The following SEMG1 variants were observed in gnomAD, a reference collection of about 807,000 sequenced individuals.
The protein encoded by SEMG1 is semenogelin-1.
Under a neutral mutation model 8.8 loss-of-function variants are expected in SEMG1, and 6 were observed. The ratio of observed to expected loss-of-function variants is 0.68; its 90% CI spans 0.37 to 1.35. The LOEUF (loss-of-function observed/expected upper bound fraction) is 1.35, where lower values mean the gene tolerates loss of function less well. Ranked by LOEUF, SEMG1 falls within the 40% of genes most tolerant of loss-of-function variation. The probability of loss-of-function intolerance (pLI) is 0.02; values close to 1 mark genes in which losing one functional copy is unlikely to be tolerated. For missense variants in SEMG1, 580 were observed against 533.6 expected (o/e 1.09, Z -0.86); for synonymous variants, 221 against 190.3 (o/e 1.16, Z -1.33).
chr20:45,208,037 A>C lies in SEMG1; in HGVS notation c.740A>C (p.Gln247Pro). Residue 247 changes from glutamine to proline, a missense_variant, in exon 2 of 3, where the codon CAA becomes CCA. Gln to Pro is a moderately conservative substitution (Grantham distance 76). Transcript: ENST00000372781. ...TGTCCTGCGCACCAAGACAAACTCC[A>C]ACATGGATCCAAAGACATTTTTTCT... ...SLCPAHQDKL[Q>P]HGSKDIFSTQ... 1 of 1,614,150 alleles carries C rather than the reference A, an allele frequency of 6.2e-7. No individual in the cohort carries two copies. The highest frequency in any genetic ancestry group is 8.5e-7 in the Non-Finnish European group (1 of 1,179,988).
At position 45,207,552 on chromosome 20, in the gene SEMG1, T is replaced by C. The variant is rs773356491; in HGVS notation, c.255T>C (p.Tyr85=). 3.7e-6 allele frequency: 6 copies of C among 1,613,818 alleles called. No individual in the cohort carries two copies. The highest frequency in any genetic ancestry group is 3.3e-5 in the South Asian group (3 of 91,040). Residue 85 remains tyrosine (Y), a synonymous_variant, in exon 2 of 3, where the codon TAT becomes TAC. Transcript: ENST00000372781. ...DHDQSRKSQQ[Y]DLNALHKTTK... is the part of the protein sequence containing the mutation. ...ACCAGTCCCGAAAAAGTCAGCAATA[T>C]GATTTGAATGCCCTACATAAGACGA...
chr20:45,208,288 A>G lies in SEMG1; in HGVS notation c.991A>G (p.Thr331Ala), dbSNP rs761912979. 5.0e-6 allele frequency: 8 copies of G among 1,610,560 alleles called. No individual in the cohort carries two copies. The Admixed American group carries it at 8.4e-5, about 17-fold the overall frequency. Residue 331 changes from threonine to alanine, a missense_variant, in exon 2 of 3, where the codon ACA becomes GCA. Transcript: ENST00000372781. ...ACAGGGCAAGTCTCAAAAACAGATAACAATTCCCAGTCAAGAGCAAGAGCA... is the reference window on the plus strand; with the variant it reads ...ACAGGGCAAGTCTCAAAAACAGATAGCAATTCCCAGTCAAGAGCAAGAGCA... ...KAQGKSQKQITIPSQEQEHSQ... is the reference protein window; with the variant it reads ...KAQGKSQKQIAIPSQEQEHSQ...
chr20:45,207,812 G>A lies in SEMG1; in HGVS notation c.515G>A (p.Ser172Asn), dbSNP rs1983734991. ...TEERLWVHGL[S>N]KEQTSVSGAQ... ...GAAAGGCTGTGGGTTCATGGACTAA[G>A]TAAAGAACAAACTTCCGTCTCTGGT... Residue 172 changes from serine to asparagine, a missense_variant, in exon 2 of 3, where the codon AGT (serine) becomes AAT (asparagine). Coordinates refer to ENST00000372781, the MANE Select transcript of SEMG1 (RefSeq NM_003007.5). 6.2e-7 allele frequency: 1 copy of A among 1,614,032 alleles called. No homozygotes were observed. Among genetic ancestry groups the A allele is most frequent in the South Asian group, 1.1e-5 (1 of 91,076 alleles).
In SEMG1 at chr20:45,207,595, C is replaced by T. The variant is rs751051043; in HGVS notation, c.298C>T (p.Leu100=). The T allele has an allele frequency of 1.2e-6, 2 of 1,613,584 alleles. No individual in the cohort carries two copies. The highest frequency in any genetic ancestry group is 1.1e-5 in the South Asian group (1 of 90,980). ...LHKTTKSQRH[L]GGSQQLLHNK... ...TAAGACGACAAAATCACAACGACAT[C>T]TAGGTGGAAGTCAACAACTGCTCCA... is the stretch of plus-strand genomic sequence containing the variant. The change falls in exon 2 of 3, where the codon CTA becomes TTA. Residue 100 remains leucine, a synonymous_variant. Coordinates refer to ENST00000372781, the MANE Select transcript of SEMG1 (RefSeq NM_003007.5).
intron 2 of SEMG1, among the ~76,000 whole-genome samples, chr20:45,209,055 A>G (rs1210827529): frequency 6.6e-6 from 1 of 152,162 alleles, no homozygotes; most frequent in Non-Finnish European, 1.5e-5. Context: ...AGTTTATGGT[A>G]TACTCTTGTC....
chr20:45,207,190 T>C, intron 1 of SEMG1, 61 bp downstream of exon 1: 1 of 1,608,270 alleles, frequency 6.2e-7, no homozygotes, highest in South Asian at 1.1e-5. Flanking sequence ...CTAAGATTAT[T>C]TGGGGTGCAA....
chr20:45,207,380 C>T lies in SEMG1; in HGVS notation c.83C>T (p.Ser28Leu), dbSNP rs1983715547. 6.2e-7 allele frequency: 1 copy of T among 1,608,078 alleles called. No individual in the cohort carries two copies. The highest frequency in any genetic ancestry group is 1.3e-5 in the African/African-American group (1 of 74,598). ...QAAVMGQKGG[S>L]KGRLPSEFSQ... The stretch of plus-strand genomic sequence containing the variant: ...TCTTATTATCAATTACCAGGTGGAT[C>T]AAAAGGCCGATTACCAAGTGAATTT... Residue 28 changes from serine (S) to leucine (L), a missense_variant, in exon 2 of 3, where the codon TCA becomes TTA. Transcript: ENST00000372781.
chr20:45,207,233 T>C, intron 1 of SEMG1, 104 bp downstream of exon 1: 2 of 1,501,064 alleles, frequency 1.3e-6, no homozygotes, highest in Non-Finnish European at 9.1e-7. Flanking sequence ...ATTCTTCTCT[T>C]TGAAGAGAAT....
chr20:45,207,311 G>A, intron 1 of SEMG1, 63 bp from the exon 2 acceptor site: 1 of 1,454,608 alleles, frequency 6.9e-7, no homozygotes, highest in African/African-American at 1.4e-5. Context: ...AAAAGTGGGG[G>A]GTAAGAGTTG....
rs150756174 is a variant in SEMG1 at position 45,207,421 on chromosome 20, G to A, written c.124G>A (p.Gly42Arg). The A allele has an allele frequency of 1.5e-5, 24 of 1,610,516 alleles. No homozygotes were observed. Among genetic ancestry groups the A allele is most frequent in the African/African-American group, 9.4e-5 (7 of 74,678 alleles). ...AAGTGAATTTTCCCAATTTCCACAC[G>A]GACAAAAGGGCCAGCACTATTCTGG... ...LPSEFSQFPH[G>R]QKGQHYSGQK... Residue 42 changes from glycine (G) to arginine (R), a missense_variant, in exon 2 of 3, where the codon GGA becomes AGA. Gly to Arg is a moderately radical substitution (Grantham distance 125, BLOSUM62 -2). Coordinates refer to ENST00000372781, the MANE Select transcript of SEMG1 (RefSeq NM_003007.5).
chr20:45,208,504 G>A lies in SEMG1; in HGVS notation c.1207G>A (p.Ala403Thr). 2.5e-6 allele frequency: 4 copies of A among 1,613,972 alleles called. No individual in the cohort carries two copies. Among genetic ancestry groups the A allele is most frequent in the East Asian group, 2.2e-5 (1 of 44,884 alleles). Reference protein sequence around the residue: ...PKQEPWHGENAKGESGQSTNR... With the variant: ...PKQEPWHGENTKGESGQSTNR... Reference sequence around the variant, plus strand: ...GCAAGAGCCATGGCATGGTGAAAATGCAAAAGGAGAGTCTGGCCAATCTAC... The same window carrying A: ...GCAAGAGCCATGGCATGGTGAAAATACAAAAGGAGAGTCTGGCCAATCTAC... The change falls in exon 2 of 3, where the codon GCA (alanine) becomes ACA (threonine). Residue 403 changes from alanine (A) to threonine (T), a missense_variant. By Grantham distance (58) the Ala-to-Thr change is moderately conservative. Coordinates refer to ENST00000372781, the MANE Select transcript of SEMG1 (RefSeq NM_003007.5).
chr20:45,209,006 T>A (rs1039797305), intron 2 of SEMG1, among the ~76,000 whole-genome samples: 1 of 152,170 alleles, frequency 6.6e-6, no homozygotes, highest in Non-Finnish European at 1.5e-5. Context: ...CTGCTAAAGG[T>A]TTTTTTGAAC....
chr20:45,208,239 T>C lies in SEMG1; in HGVS notation c.942T>C (p.Ile314=). Residue 314 remains isoleucine, a synonymous_variant, in exon 2 of 3, where the codon ATT becomes ATC. Coordinates refer to ENST00000372781, the MANE Select transcript of SEMG1 (RefSeq NM_003007.5). ...AGAAAGATGTATCCCAAAGCAGTAT[T>C]TATAGCCAAACTGAAGAGAAAGCAC... ...GVQKDVSQSS[I]YSQTEEKAQG... 6.2e-7 allele frequency: 1 copy of C among 1,611,902 alleles called. No homozygotes were observed. Among genetic ancestry groups the C allele is most frequent in the Non-Finnish European group, 8.5e-7 (1 of 1,179,034 alleles).
At position 45,208,645 on chromosome 20, in the gene SEMG1, G is replaced by T. The variant is rs759104817; in HGVS notation, c.1348G>T (p.Ala450Ser). 9.3e-6 allele frequency: 15 copies of T among 1,611,968 alleles called. No individual in the cohort carries two copies. In the South Asian group the frequency reaches 1.5e-4, roughly 17 times the overall value. ...GGAAGATGACAGTGATCGTCATTTG[G>T]CACAACATCTTAACAACGACCGAAA... ...EQEDDSDRHL[A>S]QHLNNDRNPL... Residue 450 changes from alanine to serine, a missense_variant, in exon 2 of 3, where the codon GCA (alanine) becomes TCA (serine). By Grantham distance (99) the Ala-to-Ser change is moderately conservative (BLOSUM62 1). Coordinates refer to ENST00000372781, the MANE Select transcript of SEMG1 (RefSeq NM_003007.5).
In SEMG1 at chr20:45,207,925, A is replaced by G; in HGVS notation, c.628A>G (p.Thr210Ala). 3 of 1,614,100 alleles carry G rather than the reference A, an allele frequency of 1.9e-6. No individual in the cohort carries two copies. Among genetic ancestry groups the G allele is most frequent in the Non-Finnish European group, 2.5e-6 (3 of 1,179,998 alleles). Residue 210 changes from threonine (T) to alanine (A), a missense_variant, in exon 2 of 3, where the codon ACT (threonine) becomes GCT (alanine). By Grantham distance (58) the Thr-to-Ala change is moderately conservative. Transcript: ENST00000372781. ...ELVANKQQRE[T>A]KNSHQNKGHY... The stretch of plus-strand genomic sequence containing the variant: ...AGTAGCTAACAAACAACAACGTGAG[A>G]CTAAAAATTCTCATCAAAATAAAGG...
Position 45,207,515 on chromosome 20 carries a change from C to T in SEMG1, c.218C>T (p.Ala73Val), listed in dbSNP as rs139077132. ...ATTCAATACACATATCATGTAGATG[C>T]CAATGATCATGACCAGTCCCGAAAA... Reference protein sequence around the residue: ...FSIQYTYHVDANDHDQSRKSQ... With the variant: ...FSIQYTYHVDVNDHDQSRKSQ... Residue 73 changes from alanine (A) to valine (V), a missense_variant, in exon 2 of 3, where the codon GCC (alanine) becomes GTC (valine). Coordinates refer to ENST00000372781, the MANE Select transcript of SEMG1 (RefSeq NM_003007.5). The T allele has an allele frequency of 5.4e-5, 87 of 1,613,690 alleles. No individual in the cohort carries two copies. The highest frequency in any genetic ancestry group is 4.0e-4 in the African/African-American group (30 of 74,890).
In SEMG1 at chr20:45,207,947, A is replaced by G; in HGVS notation, c.650A>G (p.Lys217Arg). ...QRETKNSHQN[K>R]GHYQNVVEVR... The stretch of plus-strand genomic sequence containing the variant: ...GAGACTAAAAATTCTCATCAAAATA[A>G]AGGGCATTACCAAAATGTGGTTGAA... The change falls in exon 2 of 3, where the codon AAA (lysine) becomes AGA (arginine). Residue 217 changes from lysine to arginine, a missense_variant. Lys to Arg is a conservative substitution (Grantham distance 26). Transcript: ENST00000372781. 6.2e-7 allele frequency: 1 copy of G among 1,614,084 alleles called. No homozygotes were observed. Among genetic ancestry groups the G allele is most frequent in the Non-Finnish European group, 8.5e-7 (1 of 1,179,976 alleles).
chr20:45,207,787 G>A lies in SEMG1; in HGVS notation c.490G>A (p.Glu164Lys). Residue 164 changes from glutamate to lysine, a missense_variant, in exon 2 of 3, where the codon GAA becomes AAA. Transcript: ENST00000372781. Reference protein sequence around the residue: ...GISSQYSNTEERLWVHGLSKE... With the variant: ...GISSQYSNTEKRLWVHGLSKE... The stretch of plus-strand genomic sequence containing the variant: ...ATCCAGTCAATATTCAAACACAGAA[G>A]AAAGGCTGTGGGTTCATGGACTAAG... 3 of 1,614,034 alleles carry A rather than the reference G, an allele frequency of 1.9e-6. No individual in the cohort carries two copies. Among genetic ancestry groups the A allele is most frequent in the South Asian group, 1.1e-5 (1 of 91,060 alleles).
In SEMG1 at chr20:45,208,131, G is replaced by A. The variant is rs757775221; in HGVS notation, c.834G>A (p.Gln278=). ...HQTKNLNQDQ[Q]HGRKANKISY... is the part of the protein sequence containing the mutation. ...CAAAAAATCTCAATCAAGATCAACA[G>A]CATGGCCGAAAGGCAAATAAAATAT... The change falls in exon 2 of 3, where the codon CAG becomes CAA. Residue 278 remains glutamine, a synonymous_variant. Coordinates refer to ENST00000372781, the MANE Select transcript of SEMG1 (RefSeq NM_003007.5). 6.2e-7 allele frequency: 1 copy of A among 1,614,014 alleles called. No individual in the cohort carries two copies.
Sources: allele counts gnomAD v4.1 joint callset (sites outside exome capture counted in the v4.1 genomes callset), GRCh38; gene constraint gnomAD v4.1.1; transcripts MANE v1.5; gene names NCBI Gene and HGNC (gene_info 2026-07-23, HGNC 2026-07-21).